The following AFF3 variants were observed in gnomAD, a reference collection of about 807,000 sequenced individuals.
AFF3 encodes AF4/FMR2 family member 3.
In AFF3, 32 loss-of-function variants were observed where a neutral mutation model predicts 129.7. The observed-to-expected ratio is 0.25, with a 90% CI of 0.19 to 0.33. The LOEUF (loss-of-function observed/expected upper bound fraction) is 0.33. Among genes scored for constraint, AFF3 ranks in the 10% least tolerant of loss-of-function variants. AFF3 has a pLI of 1.00. For missense variants in AFF3, 1,373 were observed against 1,592.0 expected, an observed-to-expected ratio of 0.86 and a Z score of 2.34; for synonymous variants, 644 against 635.4, an observed-to-expected ratio of 1.01 and a Z score of -0.20.
At chr2:99,796,066 T>C (rs1488067005) in intron 8 of AFF3, among the ~76,000 whole-genome samples, 2 of 152,188 alleles carry the variant, frequency 1.3e-5, no homozygotes, top group Non-Finnish European at 1.5e-5. Context: ...CAAAGGCCTC[T>C]TAACACCTAA....
intron 11 of AFF3, among the ~76,000 whole-genome samples, chr2:99,724,271 C>CTTTTGTTTTTTTTTTTTTTTT (rs1679165993): frequency 1.5e-5 from 1 of 66,862 alleles, no homozygotes; most frequent in South Asian, 7.5e-4. Flanking sequence ...AATGACCTTT[C>CTTTTGTTTTTTTTTTTTTTTT]TTTTTTTTTT....
intron 8 of AFF3, among the ~76,000 whole-genome samples, chr2:99,761,476 T>TC (rs1168544671): frequency 1.3e-5 from 2 of 152,144 alleles, no homozygotes; most frequent in African/African-American, 4.8e-5. Flanking sequence ...CACAATGCCC[T>TC]CCATGTAGCT....
At chr2:99,930,245 C>T (rs1696576184) in intron 7 of AFF3, among the ~76,000 whole-genome samples, 1 of 152,164 alleles carries the variant, frequency 6.6e-6, no homozygotes, top group African/African-American at 2.4e-5. Flanking sequence ...ACAAGACAGG[C>T]AGAGCTGAAC....
At chr2:100,069,525 T>C (rs748819310) in intron 4 of AFF3, among the ~76,000 whole-genome samples, 1 of 152,208 alleles carries the variant, frequency 6.6e-6, no homozygotes, top group Non-Finnish European at 1.5e-5. Flanking sequence ...AAAACAGTCA[T>C]AGTCCCTTTA....
chr2:99,982,684 C>T (rs1679516102), intron 7 of AFF3, among the ~76,000 whole-genome samples: 1 of 152,182 alleles, frequency 6.6e-6, no homozygotes, highest in Non-Finnish European at 1.5e-5. Flanking sequence ...CAACTCCCCT[C>T]ATGCTATGGA....
chr2:100,016,402 G>A (rs1336801351), intron 4 of AFF3, among the ~76,000 whole-genome samples: 1 of 149,768 alleles, frequency 6.7e-6, no homozygotes, highest in Admixed American at 6.7e-5. Context: ...GGTGATGGCA[G>A]CGATGGTCAT....
At chr2:99,903,367 T>C (rs74721910) in intron 7 of AFF3, among the ~76,000 whole-genome samples, 3,969 of 152,260 alleles carry the variant, frequency 0.026, 164 homozygotes, top group African/African-American at 0.088. Flanking sequence ...GTAAACACTC[T>C]ATCAATACTT....
At chr2:99,849,028 T>G (rs1159097751) in intron 7 of AFF3, among the ~76,000 whole-genome samples, 1 of 152,064 alleles carries the variant, frequency 6.6e-6, no homozygotes, top group African/African-American at 2.4e-5. Flanking sequence ...AGAGTGAATG[T>G]AAGAAAAGAC....
At chr2:99,585,087 T>C (rs1677960203) in intron 16 of AFF3, among the ~76,000 whole-genome samples, 1 of 152,210 alleles carries the variant, frequency 6.6e-6, no homozygotes, top group Admixed American at 6.5e-5. Flanking sequence ...AAGTTGCTCA[T>C]CTAGTGATGG....
intron 7 of AFF3, among the ~76,000 whole-genome samples, chr2:99,912,705 T>A (rs1192198598): frequency 6.6e-6 from 1 of 152,210 alleles, no homozygotes; most frequent in African/African-American, 2.4e-5. Context: ...ACATACCCAA[T>A]GGATAACATA....
intron 4 of AFF3, among the ~76,000 whole-genome samples, chr2:100,047,132 G>C (rs932133999): frequency 6.6e-6 from 1 of 152,200 alleles, no homozygotes; most frequent in African/African-American, 2.4e-5. Flanking sequence ...CGGCCACGTG[G>C]AGCCAATGGC....
At chr2:99,853,543 T>A (rs559213934) in intron 7 of AFF3, among the ~76,000 whole-genome samples, 1 of 152,354 alleles carries the variant, frequency 6.6e-6, no homozygotes, top group South Asian at 2.1e-4. Context: ...GCTAATCTCA[T>A]CGAGTATCGT....
At chr2:100,012,055 C>G (rs1329024908) in intron 4 of AFF3, among the ~76,000 whole-genome samples, 1 of 152,100 alleles carries the variant, frequency 6.6e-6, no homozygotes, top group African/African-American at 2.4e-5. Context: ...AAGTTCTACC[C>G]GCATAACCAG....
In AFF3 at chr2:99,549,451, A is replaced by G. The variant is rs1674257062; in HGVS notation, c.*2023T>C. On this transcript the variant is annotated 3_prime_UTR_variant, in exon 25 of 25. Transcript: ENST00000672756. Reference sequence around the variant, plus strand: ...AACACAAAAATTAGCTGGGCATGGTAGTGCACACCTGTAATCCCAGCTACT... The same window carrying G: ...AACACAAAAATTAGCTGGGCATGGTGGTGCACACCTGTAATCCCAGCTACT... 1 of 178,064 alleles carries G rather than the reference A, an allele frequency of 5.6e-6. No individual in the cohort carries two copies. The allele number at this position is 178,064 out of a possible 1,614,324, so 11.0% of individuals were successfully genotyped here.
chr2:99,843,037 C>A (rs572348420), intron 7 of AFF3, among the ~76,000 whole-genome samples: 1 of 152,312 alleles, frequency 6.6e-6, no homozygotes, highest in South Asian at 2.1e-4. Context: ...AATTGTGTAT[C>A]CCATGTACAC....
chr2:99,807,956 T>C (rs1198733314), intron 8 of AFF3, among the ~76,000 whole-genome samples: 1 of 152,174 alleles, frequency 6.6e-6, no homozygotes, highest in Non-Finnish European at 1.5e-5. Flanking sequence ...AATTAATAAG[T>C]GCCTGTCAAT....
intron 7 of AFF3, among the ~76,000 whole-genome samples, chr2:99,996,757 G>A (rs1383429404): frequency 2.6e-5 from 4 of 152,006 alleles, no homozygotes; most frequent in Non-Finnish European, 5.9e-5. Context: ...GTCCTTTGCA[G>A]CAAAACTTCC....
intron 11 of AFF3, among the ~76,000 whole-genome samples, chr2:99,684,896 T>C (rs1256779924): frequency 2.6e-5 from 4 of 151,932 alleles, no homozygotes; most frequent in Admixed American, 2.6e-4. Flanking sequence ...CAAATAACTC[T>C]AATCTCAAAA....
chr2:99,672,178 T>TCACACACA (rs1177303721), intron 12 of AFF3, among the ~76,000 whole-genome samples: 8 of 56,362 alleles, frequency 1.4e-4, no homozygotes, highest in Admixed American at 5.6e-4. Context: ...AGTTAGCTTC[T>TCACACACA]CACACACACA....
Sources: allele counts gnomAD v4.1 joint callset (sites outside exome capture counted in the v4.1 genomes callset), GRCh38; gene constraint gnomAD v4.1.1; transcripts MANE v1.5; gene names NCBI Gene and HGNC (gene_info 2026-07-23, HGNC 2026-07-21).